The following NEGR1 variants were observed in gnomAD, a reference collection of about 807,000 sequenced individuals.
The protein encoded by NEGR1 is neuronal growth regulator 1.
NEGR1 carries 10 observed loss-of-function variants against 40.9 expected under a neutral mutation model. The ratio of observed to expected loss-of-function variants is 0.24; its 90% CI spans 0.15 to 0.42. The LOEUF (loss-of-function observed/expected upper bound fraction) is 0.42, where lower values mean the gene tolerates loss of function less well. Ranked by LOEUF, NEGR1 falls within the 10% of genes least tolerant of loss-of-function variation. The pLI is 1.00. For missense variants in NEGR1, 352 were observed against 438.9 expected (o/e 0.80, Z 1.77); for synonymous variants, 185 against 166.8 (o/e 1.11, Z -0.84).
chr1:72,258,793 T>C (rs1005786774), intron 1 of NEGR1, among the ~76,000 whole-genome samples: 10 of 152,120 alleles, frequency 6.6e-5, no homozygotes, highest in African/African-American at 2.4e-4. Flanking sequence ...TACTAATGTA[T>C]TTTTACAAAC....
At chr1:71,924,364 T>C (rs1645751509) in intron 2 of NEGR1, among the ~76,000 whole-genome samples, 1 of 152,182 alleles carries the variant, frequency 6.6e-6, no homozygotes, top group Non-Finnish European at 1.5e-5. Context: ...AAGTCTTTAT[T>C]GACATAAACT....
intron 1 of NEGR1, among the ~76,000 whole-genome samples, chr1:72,085,263 T>C (rs1648168952): frequency 1.3e-5 from 2 of 152,214 alleles, no homozygotes; most frequent in Non-Finnish European, 2.9e-5. Flanking sequence ...AAGATTAGTA[T>C]TTGTTATAAC....
intron 4 of NEGR1, among the ~76,000 whole-genome samples, chr1:71,673,908 G>A (rs1161575531): frequency 2.0e-5 from 3 of 152,082 alleles, no homozygotes; most frequent in African/African-American, 7.2e-5. Context: ...ACGAATTACA[G>A]AGAAATTTAG....
chr1:71,434,882 G>T (rs1329603424), intron 6 of NEGR1, among the ~76,000 whole-genome samples: 6 of 152,174 alleles, frequency 3.9e-5, no homozygotes, highest in Admixed American at 1.3e-4. Context: ...ACGAGGTCAG[G>T]AGATCAAGAC....
chr1:71,600,323 C>G (rs1391703446), intron 5 of NEGR1, among the ~76,000 whole-genome samples: 1 of 152,152 alleles, frequency 6.6e-6, no homozygotes, highest in Non-Finnish European at 1.5e-5. Context: ...TCCTCATTTC[C>G]AGGTAGATTT....
At chr1:72,137,922 C>G (rs1470210193) in intron 1 of NEGR1, among the ~76,000 whole-genome samples, 5 of 152,058 alleles carry the variant, frequency 3.3e-5, no homozygotes, top group African/African-American at 1.2e-4. Flanking sequence ...AAAATACTGA[C>G]AGAAAAGTCA....
intron 1 of NEGR1, among the ~76,000 whole-genome samples, chr1:72,120,736 C>T (rs1649769915): frequency 6.6e-6 from 1 of 151,936 alleles, no homozygotes; most frequent in African/African-American, 2.4e-5. Flanking sequence ...GTTCAATTCC[C>T]ACCTATGAGT....
intron 1 of NEGR1, among the ~76,000 whole-genome samples, chr1:72,278,145 T>C (rs932281526): frequency 6.6e-6 from 1 of 152,126 alleles, no homozygotes; most frequent in African/African-American, 2.4e-5. Context: ...TAGAGTATCA[T>C]AGTAGGATAT....
chr1:72,238,683 T>C (rs769150908), intron 1 of NEGR1, among the ~76,000 whole-genome samples: 1 of 151,890 alleles, frequency 6.6e-6, no homozygotes, highest in Non-Finnish European at 1.5e-5. Context: ...CTTTCCTTTG[T>C]GCAATTCTAT....
chr1:71,657,853 A>G (rs1439155606), intron 4 of NEGR1, among the ~76,000 whole-genome samples: 1 of 152,222 alleles, frequency 6.6e-6, no homozygotes, highest in African/African-American at 2.4e-5. Flanking sequence ...CAAAATCTGT[A>G]GCTAGATTTG....
intron 2 of NEGR1, among the ~76,000 whole-genome samples, chr1:71,918,547 G>T (rs1042337741): frequency 6.6e-5 from 10 of 152,046 alleles, no homozygotes; most frequent in Non-Finnish European, 1.2e-4. Flanking sequence ...TATTTGTTCA[G>T]AGCAGACTTA....
intron 2 of NEGR1, among the ~76,000 whole-genome samples, chr1:71,832,696 G>A (rs1658880485): frequency 6.6e-6 from 1 of 152,064 alleles, no homozygotes; most frequent in Admixed American, 6.6e-5. Flanking sequence ...ACATTGGACA[G>A]AGTGGAGAAA....
intron 4 of NEGR1, among the ~76,000 whole-genome samples, chr1:71,616,329 G>A (rs927603360): frequency 3.3e-5 from 5 of 152,272 alleles, no homozygotes; most frequent in East Asian, 1.9e-4. Flanking sequence ...TTAGATTTTC[G>A]TAGGAGTGTG....
At chr1:71,568,985 T>A (rs1378099700) in intron 6 of NEGR1, among the ~76,000 whole-genome samples, 2 of 151,690 alleles carry the variant, frequency 1.3e-5, no homozygotes, top group Non-Finnish European at 1.5e-5. Flanking sequence ...GGGATGATCT[T>A]GGTTCACTGC....
chr1:72,214,137 C>T (rs1040943488), intron 1 of NEGR1, among the ~76,000 whole-genome samples: 5 of 151,966 alleles, frequency 3.3e-5, no homozygotes, highest in African/African-American at 4.8e-5. Context: ...TCAGTAGATT[C>T]GGAAAAAGCC....
In NEGR1 at chr1:71,402,237, T is replaced by C. The variant is rs1476572335; in HGVS notation, c.*5209A>G. 6.6e-6 allele frequency: 1 copy of C among 152,176 alleles called. No individual in the cohort carries two copies. Among genetic ancestry groups the C allele is most frequent in the African/African-American group, 2.4e-5 (1 of 41,454 alleles). 9.4% of individuals were successfully genotyped at this position (152,176 alleles called of 1,614,324 possible). On this transcript the variant is annotated 3_prime_UTR_variant, in exon 7 of 7. Transcript: ENST00000357731. Reference sequence around the variant, plus strand: ...CACCATCAATACATGACAATAGTAATATTTTCTCCTTTAAGTATTTGAAAG... The same window carrying C: ...CACCATCAATACATGACAATAGTAACATTTTCTCCTTTAAGTATTTGAAAG...
chr1:72,264,834 C>T (rs1399401669), intron 1 of NEGR1, among the ~76,000 whole-genome samples: 1 of 150,468 alleles, frequency 6.6e-6, no homozygotes, highest in Non-Finnish European at 1.5e-5. Flanking sequence ...TAGAAAACTA[C>T]CTTTTTGAAC....
intron 2 of NEGR1, among the ~76,000 whole-genome samples, chr1:71,799,184 T>A (rs942094545): frequency 7.9e-5 from 12 of 152,004 alleles, no homozygotes; most frequent in Non-Finnish European, 4.4e-5. Flanking sequence ...ACTAATGCTA[T>A]CCCTCCCCTA....
intron 1 of NEGR1, among the ~76,000 whole-genome samples, chr1:72,189,414 G>C (rs1232851335): frequency 6.6e-6 from 1 of 151,482 alleles, no homozygotes; most frequent in East Asian, 1.9e-4. Flanking sequence ...TTCAAACCCA[G>C]CTCAGCTGAG....
Sources: allele counts gnomAD v4.1 joint callset (sites outside exome capture counted in the v4.1 genomes callset), GRCh38; gene constraint gnomAD v4.1.1; transcripts MANE v1.5; gene names NCBI Gene and HGNC (gene_info 2026-07-23, HGNC 2026-07-21).